Variants in LOXHD1 observed in about 807,000 individuals in gnomAD.
LOXHD1 encodes the protein lipoxygenase homology PLAT domains 1.
LOXHD1 carries 205 observed loss-of-function variants against 248.2 expected under a neutral mutation model. The ratio of observed to expected loss-of-function variants is 0.83; its 90% CI spans 0.74 to 0.93. LOXHD1 has a LOEUF of 0.93. LOXHD1 is among the 40% of genes least tolerant of loss of function. The pLI, the probability that LOXHD1 is intolerant of heterozygous loss-of-function variation, is 0.00. For missense variants in LOXHD1, 2,930 were observed against 2,971.6 expected (o/e 0.99, Z 0.33); for synonymous variants, 1,113 against 1,162.8 (o/e 0.96, Z 0.87).
intron 40 of LOXHD1, among the ~76,000 whole-genome samples, chr18:46,479,260 G>GTC (rs2032332908): frequency 1.3e-5 from 2 of 149,824 alleles, no homozygotes; most frequent in Non-Finnish European, 3.0e-5. Context: ...GTGTGTGTGT[G>GTC]TGTGTGTTCA....
In LOXHD1 at chr18:46,534,399, G is replaced by A. The variant is rs7244681; in HGVS notation, c.4148C>T (p.Thr1383Met). Residue 1383 changes from threonine (T) to methionine (M), a missense_variant, in exon 27 of 41, where the codon ACG becomes ATG. Thr to Met is a moderately conservative substitution (Grantham distance 81). Transcript: ENST00000642948. Reference sequence around the variant, plus strand: ...GCAGTGCCACCCAGGATTCATGCCCGTGTTATTATGGCCAATCCGAATTTT... The same window carrying A: ...GCAGTGCCACCCAGGATTCATGCCCATGTTATTATGGCCAATCCGAATTTT... ...IEKIRIGHNN[T>M]GMNPGWHCSH... The A allele has an allele frequency of 3.6e-3, 5,557 of 1,551,636 alleles. 180 individuals are homozygous for A. The African/African-American group carries it at 0.065, about 18-fold the overall frequency.
In LOXHD1 at chr18:46,601,433, ATCCC is replaced by A. The variant is rs2038337424; in HGVS notation, c.914_917del (p.Gly305ValfsTer53). On this transcript the variant is annotated frameshift_variant, in exon 8 of 41. Transcript: ENST00000642948. LOFTEE classifies it high-confidence loss of function. ...TGGATTTGGTACCAGCCCCCCGGAC[ATCCC>A]CAGTGAAGACGGTGACAATATACGT... is the stretch of plus-strand genomic sequence containing the variant. The A allele has an allele frequency of 6.4e-7, 1 of 1,551,642 alleles. No individual in the cohort carries two copies. The highest frequency in any genetic ancestry group is 1.4e-5 in the African/African-American group (1 of 73,048).
In LOXHD1 at chr18:46,509,465, GCTC is replaced by G. The variant is rs1374002221; in HGVS notation, c.5517+230_5517+232del. The G allele has an allele frequency of 1.9e-5, 11 of 564,934 alleles. 1 individual carries two copies. Among genetic ancestry groups the G allele is most frequent in the South Asian group, 7.8e-5 (4 of 51,482 alleles). The allele number at this position is 564,934 out of a possible 1,614,324, so 35.0% of individuals were successfully genotyped here. On this transcript the variant is annotated intron_variant, in intron 35 of 40. Transcript: ENST00000642948. The stretch of plus-strand genomic sequence containing the variant: ...GGTCTCTGTCCACGTAACGTTGACA[GCTC>G]TTGTTTAATTACCTGACAGTTGCTT...
chr18:46,565,157 A>G (rs928522594), intron 17 of LOXHD1, among the ~76,000 whole-genome samples: 2 of 151,976 alleles, frequency 1.3e-5, no homozygotes, highest in Non-Finnish European at 2.9e-5. Flanking sequence ...CCAGCTACTC[A>G]GGAGGCTGAG....
intron 20 of LOXHD1, among the ~76,000 whole-genome samples, chr18:46,558,571 G>C (rs181811038): frequency 2.0e-5 from 3 of 152,214 alleles, no homozygotes; most frequent in African/African-American, 4.8e-5. Context: ...GAAAAAGCAG[G>C]GGGCCCCTGA....
chr18:46,617,219 A>AT (rs999115101), intron 5 of LOXHD1, among the ~76,000 whole-genome samples: 7 of 152,054 alleles, frequency 4.6e-5, no homozygotes, highest in East Asian at 1.9e-4. Context: ...ATTTCTCAGT[A>AT]TTTTTTTTAA....
intron 24 of LOXHD1, 28 bp from the exon 25 acceptor site, chr18:46,541,968 T>A (rs1196864550): frequency 2.7e-5 from 42 of 1,539,774 alleles, no homozygotes; most frequent in Non-Finnish European, 3.7e-5. Flanking sequence ...ACAAAACCCA[T>A]CAAGGACCTG....
Position 46,538,164 on chromosome 18 carries a change from T to C in LOXHD1, c.4087A>G (p.Ile1363Val). 1 of 1,532,540 alleles carries C rather than the reference T, an allele frequency of 6.5e-7. No homozygotes were observed. The highest frequency in any genetic ancestry group is 1.2e-5 in the South Asian group (1 of 83,674). 94.9% of individuals were successfully genotyped at this position (1,532,540 alleles called of 1,614,324 possible). ...FFERKSASRF[I>V]VELEDVGEII... The stretch of plus-strand genomic sequence containing the variant: ...CTGCTGAGCCCAAGTACCTCTACGA[T>C]GAAGCGGGAGGCAGACTTCCTCTCA... The change falls in exon 26 of 41, where the codon ATC (isoleucine) becomes GTC (valine). Residue 1363 changes from isoleucine (I) to valine (V), a missense_variant. Ile to Val is a conservative substitution (Grantham distance 29, BLOSUM62 3). Coordinates refer to ENST00000642948, the MANE Select transcript of LOXHD1 (RefSeq NM_001384474.1).
intron 2 of LOXHD1, among the ~76,000 whole-genome samples, chr18:46,647,019 G>A (rs1164333835): frequency 6.6e-6 from 1 of 152,204 alleles, no homozygotes; most frequent in East Asian, 1.9e-4. Flanking sequence ...GAGCACTCCT[G>A]ACCAGCTGGA....
At chr18:46,560,048 T>TCCCGACCC in intron 19 of LOXHD1, 35 bp downstream of exon 19, 4 of 1,226,296 alleles carry the variant, frequency 3.3e-6, no homozygotes, top group Non-Finnish European at 4.5e-6. Context: ...GTCTGGCCAC[T>TCCCGACCC]CCCTCCCCAC....
At chr18:46,549,140 T>C (rs2036976441) in intron 21 of LOXHD1, among the ~76,000 whole-genome samples, 1 of 152,088 alleles carries the variant, frequency 6.6e-6, no homozygotes, top group Non-Finnish European at 1.5e-5. Flanking sequence ...GGCTTCTGGA[T>C]ACCAGGGAGG....
At position 46,604,188 on chromosome 18, in the gene LOXHD1, GA is replaced by G; in HGVS notation, c.800del (p.Phe267SerfsTer21). On this transcript the variant is annotated frameshift_variant, in exon 7 of 41. Coordinates refer to ENST00000642948, the MANE Select transcript of LOXHD1 (RefSeq NM_001384474.1). LOFTEE classifies it high-confidence loss of function. ...EDIGNKRKYDFPLNRWLALDE... is the reference protein window; with the variant it reads ...EDIGNKRKYDXPLNRWLALDE... ...CCAAGGCCAGCCAGCGGTTAAGGGG[GA>G]AGTCATATTTTCTTTTGTTCCCAAT... 1 of 1,551,788 alleles carries G rather than the reference GA, an allele frequency of 6.4e-7. No individual in the cohort carries two copies.
intron 12 of LOXHD1, among the ~76,000 whole-genome samples, chr18:46,583,580 GA>G (rs1015221723): frequency 9.3e-5 from 14 of 150,728 alleles, no homozygotes; most frequent in South Asian, 8.4e-4. Context: ...ACAGACAGAT[GA>G]AAAAAAAAGT....
intron 4 of LOXHD1, among the ~76,000 whole-genome samples, chr18:46,623,125 C>A (rs1222649540): frequency 1.3e-5 from 2 of 152,206 alleles, no homozygotes; most frequent in African/African-American, 4.8e-5. Context: ...AGCAGGGCTA[C>A]CATTAGCCTA....
rs989811715 is a variant in LOXHD1, at chr18:46,541,951, A to G, written c.3749-11T>C. 3.2e-6 allele frequency: 5 copies of G among 1,547,938 alleles called. No individual in the cohort carries two copies. The South Asian group carries it at 6.0e-5, about 19-fold the overall frequency. On this transcript the variant is annotated splice_polypyrimidine_tract_variant and intron_variant, in intron 24 of 40. Transcript: ENST00000642948. ...AGCCTGGGGCCTTGCCTAGAGAGAGAGGAGACACAAAACCCATCAAGGACC... is the reference window on the plus strand; with the variant it reads ...AGCCTGGGGCCTTGCCTAGAGAGAGGGGAGACACAAAACCCATCAAGGACC...
chr18:46,656,801 G>A (rs2039188164), intron 1 of LOXHD1, 103 bp downstream of exon 1: 1 of 1,307,012 alleles, frequency 7.7e-7, no homozygotes, highest in African/African-American at 1.5e-5. Context: ...AGTGAGGAAG[G>A]GCTTGCTCCG....
intron 31 of LOXHD1, among the ~76,000 whole-genome samples, chr18:46,523,209 A>T (rs563490133): frequency 2.0e-5 from 3 of 152,294 alleles, no homozygotes; most frequent in Admixed American, 6.5e-5. Context: ...GGCCTCCCAA[A>T]GTGCTGGGAT....
intron 37 of LOXHD1, among the ~76,000 whole-genome samples, chr18:46,496,877 C>T (rs188560800): frequency 2.4e-4 from 37 of 152,294 alleles, no homozygotes; most frequent in Admixed American, 2.4e-3. Flanking sequence ...GTGGCACACT[C>T]CTGTAATCCC....
intron 2 of LOXHD1, among the ~76,000 whole-genome samples, chr18:46,646,844 GCT>G (rs1212553570): frequency 2.0e-5 from 3 of 152,224 alleles, no homozygotes; most frequent in Admixed American, 6.5e-5. Context: ...CCTTTGCCGA[GCT>G]CTGACTATAT....
Sources: gnomAD v4.1 joint callset for allele counts (sites outside exome capture counted in the v4.1 genomes callset) on GRCh38, gnomAD v4.1.1 for gene constraint, MANE v1.5 for transcripts, NCBI Gene and HGNC (gene_info 2026-07-23, HGNC 2026-07-21) for gene names.